CSMD1: variants seen among roughly 807,000 people sequenced by gnomAD.
CSMD1 encodes the protein CUB and sushi domain-containing protein 1.
A neutral mutation model predicts 417.5 loss-of-function variants in CSMD1; 213 were observed. The ratio of observed to expected loss-of-function variants is 0.51; its 90% CI spans 0.46 to 0.57. CSMD1 has a LOEUF of 0.57. Among genes scored for constraint, CSMD1 ranks in the 20% least tolerant of loss-of-function variants. CSMD1 has a pLI of 0.00. For missense variants in CSMD1, 6,923 were observed against 4,529.7 expected, an observed-to-expected ratio of 1.53 and a Z score of -15.17; for synonymous variants, 2,862 against 1,736.8, an observed-to-expected ratio of 1.65 and a Z score of -16.11.
intron 3 of CSMD1, among the ~76,000 whole-genome samples, chr8:4,089,987 A>C (rs183276627): frequency 6.6e-6 from 1 of 152,314 alleles, no homozygotes; most frequent in East Asian, 1.9e-4. Flanking sequence ...GCTATAATGG[A>C]AACCTACTTT....
intron 5 of CSMD1, among the ~76,000 whole-genome samples, chr8:3,906,792 T>C (rs192678743): frequency 6.6e-6 from 1 of 152,278 alleles, no homozygotes; most frequent in African/African-American, 2.4e-5. Context: ...TGAACATATA[T>C]ACAGACAAAA....
chr8:3,938,461 T>C (rs1314604358), intron 5 of CSMD1, among the ~76,000 whole-genome samples: 1 of 152,114 alleles, frequency 6.6e-6, no homozygotes, highest in African/African-American at 2.4e-5. Context: ...GGATCTGTGG[T>C]GGGGATAAGT....
chr8:3,609,874 A>G lies in CSMD1; in HGVS notation c.1097+6836T>C, dbSNP rs2469334. 4.4e-5 allele frequency among the ~76,000 whole-genome samples: 6 copies of G among 137,684 alleles called. No individual in the cohort carries two copies. In the South Asian group the frequency reaches 1.5e-3, roughly 33 times the overall value. The allele number at this position is 137,684 out of a possible 152,430, so 90.3% of individuals were successfully genotyped here. A position where few individuals can be genotyped will look rare whatever the true frequency, so the allele number is the denominator to read the frequency against. On this transcript the variant is annotated intron_variant, in intron 8 of 69. Coordinates refer to ENST00000635120, the MANE Select transcript of CSMD1 (RefSeq NM_033225.6). ...TGCTCTGTCCCCCAGGCTGAAGTGAAGTGGTGCGATCTCGGCTCCTGGGTT... is the reference window on the plus strand; with the variant it reads ...TGCTCTGTCCCCCAGGCTGAAGTGAGGTGGTGCGATCTCGGCTCCTGGGTT...
At chr8:4,432,523 G>A (rs150025885) in intron 2 of CSMD1, among the ~76,000 whole-genome samples, 2 of 152,134 alleles carry the variant, frequency 1.3e-5, no homozygotes, top group Admixed American at 1.3e-4. Flanking sequence ...CTCGGAGTGT[G>A]AAAACACTGT....
At chr8:3,011,965 C>G (rs7827141) in intron 52 of CSMD1, among the ~76,000 whole-genome samples, 16,030 of 152,152 alleles carry the variant, frequency 0.11, 1,445 homozygotes, top group African/African-American at 0.25. Flanking sequence ...AGAGTGGATA[C>G]CAGGTCAGCA....
At chr8:4,236,309 A>C (rs1449053255) in intron 3 of CSMD1, among the ~76,000 whole-genome samples, 1 of 152,086 alleles carries the variant, frequency 6.6e-6, no homozygotes, top group African/African-American at 2.4e-5. Context: ...GAACGCAGGA[A>C]ACAGTATAGT....
intron 3 of CSMD1, among the ~76,000 whole-genome samples, chr8:4,223,881 G>T (rs781258035): frequency 6.6e-6 from 1 of 152,122 alleles, no homozygotes; most frequent in Non-Finnish European, 1.5e-5. Flanking sequence ...GTCCTGCATG[G>T]AAAATTAAAA....
At chr8:4,484,161 CT>C (rs1157864305) in intron 2 of CSMD1, among the ~76,000 whole-genome samples, 1 of 150,214 alleles carries the variant, frequency 6.7e-6, no homozygotes, top group African/African-American at 2.5e-5. Flanking sequence ...GGCCGCTTCC[CT>C]TATCAGTGGA....
intron 5 of CSMD1, among the ~76,000 whole-genome samples, chr8:3,768,782 G>C (rs894247339): frequency 1.3e-5 from 2 of 152,204 alleles, no homozygotes; most frequent in African/African-American, 2.4e-5. Context: ...AAATCGTAAG[G>C]CTTGTCCTAA....
chr8:4,275,176 G>A (rs1335359423), intron 3 of CSMD1, among the ~76,000 whole-genome samples: 1 of 151,892 alleles, frequency 6.6e-6, no homozygotes, highest in Non-Finnish European at 1.5e-5. Flanking sequence ...ATTTTCTGGG[G>A]TTTTTTCTTT....
chr8:4,455,965 G>GAAAAAAAAAAA (rs1799449492), intron 2 of CSMD1, among the ~76,000 whole-genome samples: 1 of 23,638 alleles, frequency 4.2e-5, no homozygotes, highest in African/African-American at 1.3e-4. Flanking sequence ...AAAAAAAAAT[G>GAAAAAAAAAAA]CAGTTAAGAT....
chr8:4,204,264 GA>G (rs555848325), intron 3 of CSMD1, among the ~76,000 whole-genome samples: 1 of 143,904 alleles, frequency 6.9e-6, no homozygotes, highest in African/African-American at 2.6e-5. Flanking sequence ...GCAATGCTAG[GA>G]AAAAAAAAAA....
At chr8:3,825,485 A>G (rs1039306377) in intron 5 of CSMD1, among the ~76,000 whole-genome samples, 1 of 152,134 alleles carries the variant, frequency 6.6e-6, no homozygotes, top group Non-Finnish European at 1.5e-5. Flanking sequence ...GCCAAGATAA[A>G]CAAATAAACA....
At chr8:3,745,257 C>G (rs1372750795) in intron 6 of CSMD1, among the ~76,000 whole-genome samples, 1 of 152,010 alleles carries the variant, frequency 6.6e-6, no homozygotes, top group Non-Finnish European at 1.5e-5. Flanking sequence ...TACAAGGCTC[C>G]CCTGGAGGAG....
chr8:3,062,680 A>G (rs1373674036), intron 49 of CSMD1, among the ~76,000 whole-genome samples: 2 of 152,156 alleles, frequency 1.3e-5, no homozygotes, highest in Non-Finnish European at 2.9e-5. Flanking sequence ...CAAGGAAGAA[A>G]AAAAAGCATT....
intron 5 of CSMD1, among the ~76,000 whole-genome samples, chr8:3,885,676 T>G (rs1449287372): frequency 6.6e-6 from 1 of 152,124 alleles, no homozygotes; most frequent in Admixed American, 6.6e-5. Flanking sequence ...TCCATCTTTC[T>G]CAAGCTCACA....
intron 6 of CSMD1, among the ~76,000 whole-genome samples, chr8:3,742,804 CAG>C (rs1267399986): frequency 6.6e-6 from 1 of 152,138 alleles, no homozygotes; most frequent in Non-Finnish European, 1.5e-5. Flanking sequence ...AAAAAACAAA[CAG>C]AGAACTCCTC....
At chr8:3,282,544 A>C (rs1264142695) in intron 26 of CSMD1, among the ~76,000 whole-genome samples, 9 of 63,992 alleles carry the variant, frequency 1.4e-4, no homozygotes, top group African/African-American at 2.6e-4. Context: ...ATTTTATATC[A>C]CAACAAAAAA....
Position 3,363,442 on chromosome 8 carries a change from A to G in CSMD1, c.3115+3590T>C, listed in dbSNP as rs189061063. Among the ~76,000 whole-genome samples the G allele has an allele frequency of 4.6e-3, 701 of 152,314 alleles. 8 individuals carry two copies. Among genetic ancestry groups the G allele is most frequent in the African/African-American group, 0.016 (669 of 41,566 alleles). On this transcript the variant is annotated intron_variant, in intron 20 of 69. Transcript: ENST00000635120. Reference sequence around the variant, plus strand: ...CAAATTCTGCCTAGGGAAAAGAAGAAAGGCTGCATGTCAGAGACACCCTCT... The same window carrying G: ...CAAATTCTGCCTAGGGAAAAGAAGAGAGGCTGCATGTCAGAGACACCCTCT...
Sources: allele counts gnomAD v4.1 joint callset (sites outside exome capture counted in the v4.1 genomes callset), GRCh38; gene constraint gnomAD v4.1.1; transcripts MANE v1.5; gene names NCBI Gene and HGNC (gene_info 2026-07-23, HGNC 2026-07-21).